Variants in CELF2 observed in about 807,000 individuals in gnomAD.
CELF2 encodes the protein CUG triplet repeat RNA-binding protein 2.
A neutral mutation model predicts 62.6 loss-of-function variants in CELF2; 8 were observed. That is an observed-to-expected ratio of 0.13 (90% confidence interval 0.07 to 0.23). CELF2 has a LOEUF of 0.23. CELF2 is among the 10% of genes least tolerant of loss of function. The pLI is 1.00. For synonymous variants in CELF2, 258 were observed against 250.0 expected (o/e 1.03, Z -0.30); for missense variants, 333 against 671.0 (o/e 0.50, Z 5.56).
In CELF2 at chr10:11,318,315, G is replaced by A; in HGVS notation, c.1097-2874G>A. 6.1e-6 allele frequency: 1 copy of A among 164,962 alleles called. No individual in the cohort carries two copies. The highest frequency in any genetic ancestry group is 1.3e-5 in the Non-Finnish European group (1 of 76,312). The allele number at this position is 164,962 out of a possible 1,614,324, so 10.2% of individuals were successfully genotyped here. On this transcript the variant is annotated intron_variant, in intron 10 of 12. Transcript: ENST00000633077. This position sits in a 1 kb window ranked among gnomAD's most constrained non-coding sequence, Gnocchi z 5.4. ...CTTGTTAGAACTTTTTTGTTCACAT[G>A]GATGTTTATACCATGGAGGTGGCGA...
chr10:11,210,912 A>G (rs1045856949), intron 2 of CELF2, among the ~76,000 whole-genome samples: 11 of 152,184 alleles, frequency 7.2e-5, no homozygotes, highest in Non-Finnish European at 1.0e-4. Context: ...ATAAATATGT[A>G]CAAAGATTAT....
the CELF2 span, among the ~76,000 whole-genome samples, chr10:10,721,358 T>C: frequency 6.6e-6 from 1 of 152,222 alleles, no homozygotes; most frequent in African/African-American, 2.4e-5. Context: ...GGAGATACAC[T>C]TGGAATTTAG....
the CELF2 span, among the ~76,000 whole-genome samples, chr10:10,500,688 A>G: frequency 6.6e-6 from 1 of 152,174 alleles, no homozygotes; most frequent in South Asian, 2.1e-4. Context: ...AATACACTAT[A>G]GTACAACATC....
the CELF2 span, among the ~76,000 whole-genome samples, chr10:10,536,595 G>C: frequency 1.3e-5 from 2 of 152,126 alleles, no homozygotes; most frequent in African/African-American, 4.8e-5. Context: ...CCCCAAACAG[G>C]GTTTCTGGTT....
intron 4 of CELF2, among the ~76,000 whole-genome samples, chr10:11,251,858 C>G (rs561465831): frequency 6.6e-6 from 1 of 152,212 alleles, no homozygotes; most frequent in Admixed American, 6.5e-5. Flanking sequence ...TTCCACTCAC[C>G]GAGGCAGCCT....
upstream of CELF2, among the ~76,000 whole-genome samples, chr10:11,003,558 C>T (rs2054734177): frequency 6.6e-6 from 1 of 152,174 alleles, no homozygotes; most frequent in South Asian, 2.1e-4. This position sits in a 1 kb window ranked among gnomAD's most constrained non-coding sequence, Gnocchi z 4.4. Context: ...AAGCTCTTCA[C>T]ATGCTTTAAA....
Position 11,269,464 on chromosome 10 carries a change from A to T in CELF2, c.619-1202A>T, listed in dbSNP as rs1171301567. Among the ~76,000 whole-genome samples the T allele has an allele frequency of 6.6e-6, 1 of 152,222 alleles. No homozygotes were observed. Among genetic ancestry groups the T allele is most frequent in the African/African-American group, 2.4e-5 (1 of 41,448 alleles). ...GAAAAGAGAAACATGACCCAAAGGG[A>T]ATGGAACAGAGAATCACATTTAAAT... is the stretch of plus-strand genomic sequence containing the variant. On this transcript the variant is annotated intron_variant, in intron 6 of 12. Coordinates refer to ENST00000633077, the MANE Select transcript of CELF2 (RefSeq NM_001326342.2). The surrounding 1 kb of genome is among the most constrained non-coding windows in gnomAD (Gnocchi z 4.4).
At chr10:10,514,022 T>C in the CELF2 span, among the ~76,000 whole-genome samples, 1 of 152,164 alleles carries the variant, frequency 6.6e-6, no homozygotes, top group Admixed American at 6.5e-5. Context: ...AAGAGAGCCT[T>C]CCACTTGCTC....
At chr10:10,999,232 G>A (rs1411899676) in intron 2 of CELF2, among the ~76,000 whole-genome samples, 2 of 152,124 alleles carry the variant, frequency 1.3e-5, no homozygotes, top group African/African-American at 2.4e-5. Context: ...AGAATGCTTC[G>A]TGAAGAAATC....
intron 3 of CELF2, among the ~76,000 whole-genome samples, chr10:11,233,090 C>G (rs1027663113): frequency 6.6e-6 from 1 of 152,148 alleles, no homozygotes; most frequent in Non-Finnish European, 1.5e-5. Flanking sequence ...GAAAACCTAC[C>G]TAGAATTCAG....
At chr10:10,777,665 G>A in the CELF2 span, among the ~76,000 whole-genome samples, 2 of 152,292 alleles carry the variant, frequency 1.3e-5, no homozygotes, top group Admixed American at 1.3e-4. Context: ...GGTGCAGCCA[G>A]GGTGATGTTT....
chr10:10,510,997 C>T, the CELF2 span, among the ~76,000 whole-genome samples: 2 of 152,226 alleles, frequency 1.3e-5, no homozygotes, highest in Non-Finnish European at 2.9e-5. Context: ...AGAGAGGTGG[C>T]ATCAGCAGGC....
intron 1 of CELF2, among the ~76,000 whole-genome samples, chr10:10,870,767 G>T (rs1011572491): frequency 6.6e-6 from 1 of 152,172 alleles, no homozygotes; most frequent in African/African-American, 2.4e-5. Context: ...GGTCAGGCAT[G>T]AGTGCACACC....
intron 2 of CELF2, among the ~76,000 whole-genome samples, chr10:10,981,307 C>T (rs2052072894): frequency 6.6e-6 from 1 of 152,178 alleles, no homozygotes; most frequent in African/African-American, 2.4e-5. Context: ...ACCGTACTCC[C>T]TGTCAAAACA....
chr10:10,626,499 A>G, the CELF2 span, among the ~76,000 whole-genome samples: 1 of 152,216 alleles, frequency 6.6e-6, no homozygotes, highest in East Asian at 1.9e-4. Flanking sequence ...CTACTGATAA[A>G]GCTTTCATAG....
the CELF2 span, among the ~76,000 whole-genome samples, chr10:10,476,548 C>T: frequency 1.3e-5 from 2 of 152,092 alleles, no homozygotes; most frequent in East Asian, 3.9e-4. Context: ...CCTTTTCCTA[C>T]TCTCCAATAT....
At chr10:11,216,539 G>A (rs1034986097) in intron 2 of CELF2, among the ~76,000 whole-genome samples, 1 of 152,170 alleles carries the variant, frequency 6.6e-6, no homozygotes, top group East Asian at 1.9e-4. Context: ...TGATTGTGCT[G>A]AGAAACTATA....
chr10:11,186,853 G>A (rs774120027), intron 2 of CELF2, among the ~76,000 whole-genome samples: 15 of 152,170 alleles, frequency 9.9e-5, no homozygotes, highest in Non-Finnish European at 1.5e-4. Context: ...TTTGAGAGGG[G>A]TATGGGAGTT....
intron 2 of CELF2, chr10:10,952,015 C>T (rs531509980): frequency 6.6e-6 from 1 of 152,368 alleles, no homozygotes; most frequent in South Asian, 2.1e-4. Context: ...ACTCTATGAT[C>T]CCAGAGAGAG....
Sources: allele counts gnomAD v4.1 joint callset (sites outside exome capture counted in the v4.1 genomes callset), GRCh38; gene constraint gnomAD v4.1.1; non-coding constraint Gnocchi (gnomAD v3.1); transcripts MANE v1.5; gene names NCBI Gene and HGNC (gene_info 2026-07-23, HGNC 2026-07-21).